The following LHX4 variants were observed in gnomAD, a reference collection of about 807,000 sequenced individuals.
LHX4 encodes LIM homeobox 4.
In LHX4, 16 loss-of-function variants were observed where a neutral mutation model predicts 39.2. That is an observed-to-expected ratio of 0.41 (90% confidence interval 0.28 to 0.62). The LOEUF (loss-of-function observed/expected upper bound fraction) is 0.62, where lower values mean the gene tolerates loss of function less well. Ranked by LOEUF, LHX4 falls within the 20% of genes least tolerant of loss-of-function variation. LHX4 has a pLI of 0.33. For synonymous variants in LHX4, 206 were observed against 198.1 expected (o/e 1.04, Z -0.33); for missense variants, 439 against 511.9 (o/e 0.86, Z 1.37).
At position 180,230,488 on chromosome 1, in the gene LHX4, A is replaced by G; in HGVS notation, c.-42A>G. Reference sequence around the variant, plus strand: ...TGAATCGAGCTAGAGCGAGAGAGCGAGAGATCTCCGTAGACTGCGACTCGC... The same window carrying G: ...TGAATCGAGCTAGAGCGAGAGAGCGGGAGATCTCCGTAGACTGCGACTCGC... On this transcript the variant is annotated 5_prime_UTR_variant, in exon 1 of 6. Coordinates refer to ENST00000263726, the MANE Select transcript of LHX4 (RefSeq NM_033343.4). This position sits in a 1 kb window ranked among gnomAD's most constrained non-coding sequence, Gnocchi z 5.8. 6.5e-7 allele frequency: 1 copy of G among 1,529,884 alleles called. No homozygotes were observed. Among genetic ancestry groups the G allele is most frequent in the Non-Finnish European group, 9.0e-7 (1 of 1,105,166 alleles). 94.8% of individuals were successfully genotyped at this position (1,529,884 alleles called of 1,614,324 possible).
chr1:180,272,874 GA>G (rs1648764221), intron 5 of LHX4: 2 of 152,376 alleles, frequency 1.3e-5, no homozygotes, highest in Admixed American at 1.3e-4. Context: ...TGTGCTTGGG[GA>G]AAGCCTGGCA....
intron 1 of LHX4, among the ~76,000 whole-genome samples, chr1:180,242,433 C>T (rs1295055300): frequency 6.6e-6 from 1 of 151,750 alleles, no homozygotes; most frequent in Non-Finnish European, 1.5e-5. Context: ...TGTGTATGTA[C>T]GTGTCTGTGT....
chr1:180,236,589 T>G (rs1187824368), intron 1 of LHX4, among the ~76,000 whole-genome samples: 3 of 152,184 alleles, frequency 2.0e-5, no homozygotes, highest in African/African-American at 7.2e-5. Context: ...TGCTTTGAGC[T>G]TCTTGTTTTG....
chr1:180,242,860 T>C (rs1332260938), intron 1 of LHX4, among the ~76,000 whole-genome samples: 1 of 152,224 alleles, frequency 6.6e-6, no homozygotes, highest in Non-Finnish European at 1.5e-5. Context: ...TCAAATTTTG[T>C]CTTTAGTGAC....
intron 1 of LHX4, among the ~76,000 whole-genome samples, chr1:180,246,428 G>A (rs1647383859): frequency 6.6e-6 from 1 of 152,170 alleles, no homozygotes; most frequent in South Asian, 2.1e-4. Context: ...AAACATGTAT[G>A]AGGCCAGGCG....
In LHX4 at chr1:180,266,567, G is replaced by A. The variant is rs1648323142; in HGVS notation, c.424G>A (p.Glu142Lys). 1.9e-6 allele frequency: 3 copies of A among 1,614,026 alleles called. No individual in the cohort carries two copies. The highest frequency in any genetic ancestry group is 2.5e-6 in the Non-Finnish European group (3 of 1,180,018). ...GGAGGACGGGCGGCTGGTGTGCAAG[G>A]AAGACTACGAGACAGCCAAGCAGAA... ...LMEDGRLVCK[E>K]DYETAKQNDD... The change falls in exon 3 of 6, where the codon GAA becomes AAA. Residue 142 changes from glutamate to lysine, a missense_variant. Coordinates refer to ENST00000263726, the MANE Select transcript of LHX4 (RefSeq NM_033343.4). This position sits in a 1 kb window ranked among gnomAD's most constrained non-coding sequence, Gnocchi z 5.7.
At chr1:180,237,552 G>GGAAAA (rs543374418) in intron 1 of LHX4, among the ~76,000 whole-genome samples, 12,736 of 152,108 alleles carry the variant, frequency 0.084, 725 homozygotes, top group South Asian at 0.17. Context: ...GGACTTTGGG[G>GGAAAA]TTAACTGTAT....
intron 4 of LHX4, 115 bp downstream of exon 4, chr1:180,271,649 C>G: frequency 7.0e-7 from 1 of 1,426,780 alleles, no homozygotes; most frequent in East Asian, 2.3e-5. Context: ...GACCCCAGGG[C>G]TTTTGCCAGA....
At chr1:180,254,611 A>AGG (rs1419343675) in intron 2 of LHX4, among the ~76,000 whole-genome samples, 1 of 152,156 alleles carries the variant, frequency 6.6e-6, no homozygotes, top group Admixed American at 6.5e-5. Flanking sequence ...CTCATCTTGC[A>AGG]GGGGGCAGCT....
intron 2 of LHX4, among the ~76,000 whole-genome samples, chr1:180,249,868 CGTGTGTGTGCGT>C (rs1281335470): frequency 8.7e-6 from 1 of 115,194 alleles, no homozygotes; most frequent in Non-Finnish European, 1.7e-5. Flanking sequence ...CTGCTCCCTA[CGTGTGTGTGCGT>C]GTGTGAGTGT....
chr1:180,229,522 C>T (rs1378215701), upstream of LHX4, among the ~76,000 whole-genome samples: 1 of 152,126 alleles, frequency 6.6e-6, no homozygotes, highest in Non-Finnish European at 1.5e-5. Flanking sequence ...CGTTCCGGGC[C>T]GAGTACGGGC....
chr1:180,230,536 C>A lies in LHX4; in HGVS notation c.7C>A (p.Gln3Lys), dbSNP rs1351662103. The change falls in exon 1 of 6, where the codon CAG (glutamine) becomes AAG (lysine). Residue 3 changes from glutamine to lysine, a missense_variant. Coordinates refer to ENST00000263726, the MANE Select transcript of LHX4 (RefSeq NM_033343.4). The surrounding 1 kb of genome is among the most constrained non-coding windows in gnomAD (Gnocchi z 5.8). The part of the protein sequence containing the change: MM[Q>K]SATVPAEGAV... ...CGCTGGCTTTCGCTCCGAGATGATG[C>A]AGAGTGCGACTGTCCCCGCGGAAGG... 2 of 1,613,682 alleles carry A rather than the reference C, an allele frequency of 1.2e-6. No homozygotes were observed. Among genetic ancestry groups the A allele is most frequent in the Admixed American group, 1.7e-5 (1 of 60,014 alleles).
At chr1:180,261,223 C>A (rs748320988) in intron 2 of LHX4, among the ~76,000 whole-genome samples, 1 of 149,478 alleles carries the variant, frequency 6.7e-6, no homozygotes, top group Admixed American at 6.7e-5. Flanking sequence ...GGGAGCTGAC[C>A]GCTGGGCTGC....
At chr1:180,231,397 C>T (rs1259866343) in intron 1 of LHX4, among the ~76,000 whole-genome samples, 1 of 151,880 alleles carries the variant, frequency 6.6e-6, no homozygotes, top group Non-Finnish European at 1.5e-5. Context: ...AGCGAGACAG[C>T]CGGAGCTCGC....
Position 180,266,594 on chromosome 1 carries a change from G to A in LHX4, c.451G>A (p.Asp151Asn), listed in dbSNP as rs748773452. 2.0e-5 allele frequency: 32 copies of A among 1,613,844 alleles called. No individual in the cohort carries two copies. The highest frequency in any genetic ancestry group is 1.1e-4 in the South Asian group (10 of 91,036). The change falls in exon 3 of 6, where the codon GAT becomes AAT. Residue 151 changes from aspartate (D) to asparagine (N), a missense_variant and splice_region_variant. Asp to Asn is a conservative substitution (Grantham distance 23). Transcript: ENST00000263726. This position sits in a 1 kb window ranked among gnomAD's most constrained non-coding sequence, Gnocchi z 5.7. ...KEDYETAKQN[D>N]DSEAGAKRPR... The stretch of plus-strand genomic sequence containing the variant: ...AGACTACGAGACAGCCAAGCAGAAC[G>A]GTAAGCAGCATGGCCCCGCATGGTC...
intron 1 of LHX4, among the ~76,000 whole-genome samples, chr1:180,241,210 T>C (rs1460372022): frequency 6.6e-6 from 1 of 152,222 alleles, no homozygotes; most frequent in Admixed American, 6.5e-5. Flanking sequence ...GGAAAGAGTC[T>C]GCCAGATCCC....
chr1:180,256,271 C>T (rs1647850762), intron 2 of LHX4, among the ~76,000 whole-genome samples: 1 of 152,236 alleles, frequency 6.6e-6, no homozygotes, highest in Non-Finnish European at 1.5e-5. Flanking sequence ...CCTGGCTGGG[C>T]ATTCAAGGGC....
chr1:180,254,624 C>G (rs544839217), intron 2 of LHX4, among the ~76,000 whole-genome samples: 4 of 152,332 alleles, frequency 2.6e-5, no homozygotes, highest in African/African-American at 9.6e-5. Flanking sequence ...GGGCAGCTGC[C>G]CACAGGACAT....
chr1:180,230,455 GA>G lies in LHX4; in HGVS notation c.-72del. ...TGCTTGGGGTTTTAATTATTATTTT[GA>G]AATTTCTGAATCGAGCTAGAGCGAG... On this transcript the variant is annotated 5_prime_UTR_variant, in exon 1 of 6. The change creates a premature stop within an existing upstream ORF in the 5' untranslated region. Transcript: ENST00000263726. This position sits in a 1 kb window ranked among gnomAD's most constrained non-coding sequence, Gnocchi z 5.8. 1.5e-6 allele frequency: 2 copies of G among 1,295,798 alleles called. No homozygotes were observed. Among genetic ancestry groups the G allele is most frequent in the African/African-American group, 2.9e-5 (2 of 68,658 alleles). The allele number at this position is 1,295,798 out of a possible 1,614,324, so 80.3% of individuals were successfully genotyped here. A position where few individuals can be genotyped will look rare whatever the true frequency, so the allele number is the denominator to read the frequency against.
Sources: allele counts gnomAD v4.1 joint callset (sites outside exome capture counted in the v4.1 genomes callset), GRCh38; gene constraint gnomAD v4.1.1; non-coding constraint Gnocchi (gnomAD v3.1); transcripts MANE v1.5; gene names NCBI Gene and HGNC (gene_info 2026-07-23, HGNC 2026-07-21).